PERM1: variants seen among roughly 807,000 people sequenced by gnomAD.
The protein encoded by PERM1 is PPARGC1 and ESRR induced regulator, muscle 1.
PERM1 carries 45 observed loss-of-function variants against 44.1 expected under a neutral mutation model. The observed-to-expected ratio is 1.02, with a 90% CI of 0.80 to 1.31. The LOEUF is 1.31. Among genes scored for constraint, PERM1 ranks in the 50% most tolerant of loss-of-function variants. The pLI is 0.00. For missense variants in PERM1, 1,189 were observed against 1,106.9 expected, an observed-to-expected ratio of 1.07 and a Z score of -1.05; for synonymous variants, 565 against 477.1, an observed-to-expected ratio of 1.18 and a Z score of -2.40.
exon 1 of PERM1, chr1:981,023 T>A: frequency 6.5e-7 from 1 of 1,529,700 alleles, no homozygotes; most frequent in East Asian, 2.5e-5. Flanking sequence ...TACTGGAAAT[T>A]TTCCATGTGG....
chr1:979,884 G>A (rs113243246), exon 1 of PERM1: 23,410 of 1,549,420 alleles, frequency 0.015, 656 homozygotes, highest in African/African-American at 0.1. Context: ...GAGCCACACT[G>A]GACTGAGGCT....
exon 2 of PERM1, chr1:976,565 A>T: frequency 6.5e-7 from 1 of 1,549,540 alleles, no homozygotes; most frequent in Non-Finnish European, 8.7e-7. Context: ...AAAGCTACAA[A>T]CACCAGGCAC....
At chr1:980,619 C>T (rs957862581) in exon 1 of PERM1, 3 of 1,446,410 alleles carry the variant, frequency 2.1e-6, no homozygotes, top group African/African-American at 2.9e-5. Flanking sequence ...GCCTCTGCAT[C>T]TGGTCTCCAG....
chr1:979,049 C>T, exon 1 of PERM1: 2 of 1,545,138 alleles, frequency 1.3e-6, no homozygotes, highest in Non-Finnish European at 1.7e-6. Context: ...AAGAAGTGTT[C>T]ATAGACCTCA....
chr1:980,268 G>A, exon 1 of PERM1: 1 of 1,550,396 alleles, frequency 6.4e-7, no homozygotes, highest in Non-Finnish European at 8.7e-7. Flanking sequence ...GTGTAGACAG[G>A]CCCAAACCTG....
intron 2 of PERM1, 49 bp from the exon 4 acceptor site, chr1:976,318 C>T (rs1444268917): frequency 6.8e-7 from 1 of 1,467,720 alleles, no homozygotes. Flanking sequence ...GCTGTCGGCA[C>T]CGTCTGCCCG....
rs567468943 is a variant in PERM1, at chr1:979,016, C to T, written c.2014G>A (p.Gly672Ser). The change falls in exon 1 of 3, where the codon GGC becomes AGC. Residue 672 changes from glycine to serine, a missense_variant. Physicochemically the swap from Gly to Ser is moderately conservative, Grantham distance 56. Around this residue, in one of 3 missense-constraint regions of PERM1, gnomAD observed 900 missense variants for 760.4 expected, o/e 1.18. Transcript: ENST00000433179. The stretch of plus-strand genomic sequence containing the variant: ...AGCGGGACAGCCGGCCCCAGCACGC[C>T]CTCAAGCCTGTCCTCCCCGAAGAAG... 37 of 1,536,070 alleles carry T rather than the reference C, an allele frequency of 2.4e-5. No individual in the cohort carries two copies. In the African/African-American group the frequency reaches 4.1e-4, roughly 17 times the overall value.
chr1:976,389 G>T lies in PERM1; in HGVS notation c.2275+110C>A, dbSNP rs555851607. 8.0e-4 allele frequency: 1,216 copies of T among 1,514,126 alleles called. 3 individuals are homozygous for T. In the African/African-American group the frequency reaches 0.011, roughly 14 times the overall value. The allele number at this position is 1,514,126 out of a possible 1,614,324, so 93.8% of individuals were successfully genotyped here. On this transcript the variant is annotated intron_variant, in intron 2 of 2. Transcript: ENST00000433179. ...GCGGCCAGGGCCGCAGCTCAGCCTG[G>T]GGGGAGCAGGTCAGGGGTGAGCCCC...
At chr1:979,792 G>C in exon 1 of PERM1, 1 of 1,550,398 alleles carries the variant, frequency 6.4e-7, no homozygotes, top group South Asian at 1.2e-5. Flanking sequence ...TGTAGGCAAG[G>C]CCACATCCAG....
At chr1:979,517 G>A (rs566795691) in exon 1 of PERM1, 99 of 1,549,932 alleles carry the variant, frequency 6.4e-5, no homozygotes, top group South Asian at 2.7e-4. Flanking sequence ...ACGGAGAAGC[G>A]CACTTTCTTC....
upstream of PERM1, among the ~76,000 whole-genome samples, chr1:981,476 GTC>G (rs1643791731): frequency 6.6e-6 from 1 of 152,226 alleles, no homozygotes; most frequent in East Asian, 1.9e-4. Flanking sequence ...ACCTTTCAGG[GTC>G]CACCCGATGG....
rs1468715390 is a variant in PERM1 at position 976,252 on chromosome 1, C to G, written c.2293G>C (p.Gly765Arg). ...AAGTAGCGGATGGCAGAGATGGTGC[C>G]GACGTTGGCCAGCAAGGCTGCAAGA... The change falls in exon 3 of 3, where the codon GGC (glycine) becomes CGC (arginine). Residue 765 changes from glycine to arginine, a missense_variant. By Grantham distance (125) the Gly-to-Arg change is moderately radical. This residue lies in a region of PERM1 where 900 missense variants were observed against 760.4 expected (regional missense o/e 1.18). Transcript: ENST00000433179. 3.9e-6 allele frequency: 6 copies of G among 1,526,490 alleles called. 1 individual carries two copies. In the South Asian group the frequency reaches 5.0e-5, roughly 13 times the overall value. The allele number at this position is 1,526,490 out of a possible 1,614,324, so 94.6% of individuals were successfully genotyped here.
chr1:979,986 A>G (rs1643746134), exon 1 of PERM1: 1 of 1,549,090 alleles, frequency 6.5e-7, no homozygotes, highest in Admixed American at 2.0e-5. Flanking sequence ...GCTCAGAGGC[A>G]GGTGTAGACA....
At chr1:976,568 C>T in exon 2 of PERM1, 2 of 1,549,602 alleles carry the variant, frequency 1.3e-6, no homozygotes, top group Non-Finnish European at 1.7e-6. Flanking sequence ...GCTACAAACA[C>T]CAGGCACATG....
chr1:979,646 T>C (rs1643732223), exon 1 of PERM1: 1 of 1,550,184 alleles, frequency 6.5e-7, no homozygotes, highest in African/African-American at 1.4e-5. Context: ...GCTCTGCGGG[T>C]GGGAGGCCAG....
exon 1 of PERM1, chr1:980,282 C>T (rs1643757784): frequency 6.4e-7 from 1 of 1,550,390 alleles, no homozygotes. Flanking sequence ...AAACCTGGCC[C>T]TGGTCTGTCT....
intron 2 of PERM1, 106 bp downstream of exon 3, chr1:976,393 G>GA: frequency 6.6e-7 from 1 of 1,516,532 alleles, no homozygotes; most frequent in Non-Finnish European, 8.9e-7. Flanking sequence ...AGCCTGGGGG[G>GA]AGCAGGTCAG....
intron 2 of PERM1, 60 bp downstream of exon 3, chr1:976,439 T>C: frequency 6.5e-7 from 1 of 1,548,356 alleles, no homozygotes; most frequent in Non-Finnish European, 8.7e-7. Flanking sequence ...CCCCTCGTCC[T>C]GCCAGCGCCC....
upstream of PERM1, chr1:982,057 T>C (rs1643802117): frequency 7.8e-7 from 1 of 1,288,436 alleles, no homozygotes; most frequent in Non-Finnish European, 1.0e-6. Context: ...CAGCTGACCA[T>C]GTCCTACCTG....
Sources: gnomAD v4.1 joint callset for allele counts (sites outside exome capture counted in the v4.1 genomes callset) on GRCh38, gnomAD v4.1.1 for gene constraint, gnomAD v4.1.1 regional missense constraint, MANE v1.5 for transcripts, NCBI Gene and HGNC (gene_info 2026-07-23, HGNC 2026-07-21) for gene names.